The following USP4 variants were observed in gnomAD, a reference collection of about 807,000 sequenced individuals.
USP4 encodes ubiquitin specific peptidase 4, also known as ubiquitin carboxyl-terminal hydrolase 4.
A neutral mutation model predicts 118.2 loss-of-function variants in USP4; 72 were observed. The ratio of observed to expected loss-of-function variants is 0.61; its 90% confidence interval spans 0.50 to 0.74. The LOEUF (loss-of-function observed/expected upper bound fraction) is 0.74. USP4 is among the 30% of genes least tolerant of loss of function. The pLI, the probability that USP4 is intolerant of heterozygous loss-of-function variation, is 0.00. For synonymous variants in USP4, 415 were observed against 440.4 expected, an observed-to-expected ratio of 0.94 and a Z score of 0.72; for missense variants, 1,037 against 1,185.7, an observed-to-expected ratio of 0.87 and a Z score of 1.84.
intron 2 of USP4, among the ~76,000 whole-genome samples, chr3:49,333,009 G>A (rs1430733614): frequency 1.4e-5 from 2 of 147,642 alleles, no homozygotes; most frequent in African/African-American, 2.5e-5. Context: ...CGAGGTAGCA[G>A]TAGCTACCTT....
At chr3:49,306,664 A>G (rs922184014) in intron 8 of USP4, among the ~76,000 whole-genome samples, 2 of 152,094 alleles carry the variant, frequency 1.3e-5, no homozygotes, top group Non-Finnish European at 2.9e-5. Context: ...TCCTCGCTCA[A>G]TAATAGCTAA....
rs761345239 is a variant in USP4 at position 49,320,382 on chromosome 3, CAG to C, written c.695+4318_695+4319del. ...GCTTGAACCTGGGAGGCAGAGGTTG[CAG>C]TGAGCCAAGATCGCGCCATTACACT... On this transcript the variant is annotated intron_variant, in intron 6 of 21. Transcript: ENST00000265560. Among the ~76,000 whole-genome samples, 5 of 152,286 alleles carry C rather than the reference CAG, an allele frequency of 3.3e-5. No homozygotes were observed. In the East Asian group the frequency reaches 9.6e-4, roughly 29 times the overall value.
rs762717823 is a variant in USP4, at chr3:49,311,658, G to GGA, written c.696-6_696-5dup. The GGA allele has an allele frequency of 3.1e-6, 5 of 1,613,122 alleles. No homozygotes were observed. The South Asian group carries it at 5.5e-5, about 18-fold the overall frequency. On this transcript the variant is annotated splice_polypyrimidine_tract_variant and splice_region_variant and intron_variant, in intron 6 of 21. Coordinates refer to ENST00000265560, the MANE Select transcript of USP4 (RefSeq NM_003363.4). ...TCTGCTAGGCGCAGTGCTTGATCTG[G>GGA]GAGAGAGAAGCAGAAACAATGCTAC...
intron 2 of USP4, among the ~76,000 whole-genome samples, chr3:49,333,615 G>GGA (rs146246183): frequency 3.9e-5 from 6 of 152,138 alleles, no homozygotes; most frequent in African/African-American, 1.4e-4. Context: ...CAAAGCCTGA[G>GGA]GAGAGAGAGA....
At chr3:49,295,714 G>GCGCGCACACACACA (rs149459963) in intron 13 of USP4, among the ~76,000 whole-genome samples, 15 of 148,414 alleles carry the variant, frequency 1.0e-4, no homozygotes, top group African/African-American at 3.9e-4. Flanking sequence ...GCGCGCGCGC[G>GCGCGCACACACACA]CACACACACA....
At chr3:49,330,410 C>T (rs2047603690) in intron 2 of USP4, among the ~76,000 whole-genome samples, 1 of 151,710 alleles carries the variant, frequency 6.6e-6, no homozygotes, top group Non-Finnish European at 1.5e-5. Context: ...TCACTGCAAG[C>T]TCCACCTCTC....
At chr3:49,303,128 C>A (rs2047277572) in intron 9 of USP4, among the ~76,000 whole-genome samples, 1 of 151,928 alleles carries the variant, frequency 6.6e-6, no homozygotes, top group Non-Finnish European at 1.5e-5. Context: ...TTAAGCACTC[C>A]CAGAGATTGT....
chr3:49,295,956 C>T (rs1386371256), intron 13 of USP4, among the ~76,000 whole-genome samples: 1 of 152,074 alleles, frequency 6.6e-6, no homozygotes, highest in Non-Finnish European at 1.5e-5. Context: ...TCTATTTATT[C>T]GGTGGACAAT....
intron 8 of USP4, among the ~76,000 whole-genome samples, chr3:49,308,030 T>G (rs1016712371): frequency 6.6e-6 from 1 of 152,020 alleles, no homozygotes; most frequent in African/African-American, 2.4e-5. Flanking sequence ...AATTTTGCTC[T>G]GCTCAAACAG....
intron 6 of USP4, chr3:49,318,771 G>C (rs776073873): frequency 1.0e-4 from 24 of 229,614 alleles, no homozygotes; most frequent in Non-Finnish European, 1.5e-4. Flanking sequence ...TTAGCCGGGC[G>C]TGGTGGCACG....
At chr3:49,334,019 CA>C (rs1363711224) in intron 2 of USP4, among the ~76,000 whole-genome samples, 23 of 139,546 alleles carry the variant, frequency 1.6e-4, no homozygotes, top group East Asian at 2.1e-4. Flanking sequence ...AACTCCGTCT[CA>C]AAAAAAAAAA....
intron 13 of USP4, among the ~76,000 whole-genome samples, chr3:49,295,712 G>A (rs866706918): frequency 2.8e-4 from 38 of 137,934 alleles, no homozygotes; most frequent in African/African-American, 1.2e-3. Flanking sequence ...GCGCGCGCGC[G>A]CGCACACACA....
rs556338043 is a variant in USP4 at position 49,280,620 on chromosome 3, C to T, written c.2644+124G>A. The T allele has an allele frequency of 7.7e-5, 47 of 610,062 alleles. No homozygotes were observed. In the East Asian group the frequency reaches 8.8e-4, roughly 11 times the overall value. The allele number at this position is 610,062 out of a possible 1,614,324, so 37.8% of individuals were successfully genotyped here. On this transcript the variant is annotated intron_variant, in intron 20 of 21. Coordinates refer to ENST00000265560, the MANE Select transcript of USP4 (RefSeq NM_003363.4). Reference sequence around the variant, plus strand: ...GAGAGGGGAATCAGTATGAAGAAAGCGTGCAGCATGAAGCCTGTGAAACTG... The same window carrying T: ...GAGAGGGGAATCAGTATGAAGAAAGTGTGCAGCATGAAGCCTGTGAAACTG...
At chr3:49,278,979 T>A in intron 20 of USP4, 77 bp from the exon 21 acceptor site, 1 of 966,208 alleles carries the variant, frequency 1.0e-6, no homozygotes, top group Non-Finnish European at 1.5e-6. Flanking sequence ...TTGCACTAAA[T>A]AAACACAAAA....
At position 49,335,526 on chromosome 3, in the gene USP4, T is replaced by C. The variant is rs751558925; in HGVS notation, c.172A>G (p.Asn58Asp). 12 of 1,614,214 alleles carry C rather than the reference T, an allele frequency of 7.4e-6. No homozygotes were observed. The highest frequency in any genetic ancestry group is 9.3e-6 in the Non-Finnish European group (11 of 1,180,034). Reference sequence around the variant, plus strand: ...GGAAATAGGTTATGTTCACCCACATTGTACATGTCCCAGCTGTCAAAGCCC... The same window carrying C: ...GGAAATAGGTTATGTTCACCCACATCGTACATGTCCCAGCTGTCAAAGCCC... ...YVGFDSWDMY[N>D]VGEHNLFPGP... The change falls in exon 2 of 22, where the codon AAT becomes GAT. Residue 58 changes from asparagine (N) to aspartate (D), a missense_variant. Asn to Asp is a conservative substitution (Grantham distance 23, BLOSUM62 1). Transcript: ENST00000265560.
At chr3:49,336,165 CTTTTTTTTTT>C (rs34604530) in intron 1 of USP4, among the ~76,000 whole-genome samples, 4 of 83,000 alleles carry the variant, frequency 4.8e-5, no homozygotes, top group Non-Finnish European at 8.6e-5. Flanking sequence ...CACCTGGCCT[CTTTTTTTTTT>C]TTTTTTTTTT....
intron 15 of USP4, among the ~76,000 whole-genome samples, chr3:49,288,431 T>C (rs893495639): frequency 2.7e-4 from 41 of 152,286 alleles, no homozygotes; most frequent in African/African-American, 8.9e-4. Flanking sequence ...TCCCAGCACC[T>C]TGGGAGGCTG....
At chr3:49,333,947 A>C (rs1413629861) in intron 2 of USP4, among the ~76,000 whole-genome samples, 3 of 152,126 alleles carry the variant, frequency 2.0e-5, no homozygotes, top group African/African-American at 7.2e-5. Flanking sequence ...TGAACCCAAG[A>C]GGTGGAGGTT....
intron 6 of USP4, among the ~76,000 whole-genome samples, chr3:49,322,745 CAGCTG>C (rs1207817519): frequency 1.4e-5 from 2 of 143,932 alleles, no homozygotes; most frequent in African/African-American, 5.2e-5. Context: ...CTTGTAGTCC[CAGCTG>C]CTCGGGAGGC....
Sources: allele counts gnomAD v4.1 joint callset (sites outside exome capture counted in the v4.1 genomes callset), GRCh38; gene constraint gnomAD v4.1.1; transcripts MANE v1.5; gene names NCBI Gene and HGNC (gene_info 2026-07-23, HGNC 2026-07-21).